Variants in PCDHA4 observed in about 807,000 individuals in gnomAD.
PCDHA4 encodes protocadherin alpha 4, also known as protocadherin alpha-4.
Under a neutral mutation model 61.4 loss-of-function variants are expected in PCDHA4, and 49 were observed. That is an observed-to-expected ratio of 0.80 (90% CI 0.63 to 1.01). The LOEUF (loss-of-function observed/expected upper bound fraction) is 1.01, where lower values mean the gene tolerates loss of function less well. PCDHA4 is among the 50% of genes least tolerant of loss of function. The pLI is 0.00. For missense variants in PCDHA4, 1,254 were observed against 1,235.8 expected (o/e 1.01, Z -0.22); for synonymous variants, 590 against 550.3 (o/e 1.07, Z -1.01).
intron 1 of PCDHA4, among the ~76,000 whole-genome samples, chr5:140,833,147 A>G (rs1412458710): frequency 2.6e-5 from 4 of 152,210 alleles, no homozygotes; most frequent in South Asian, 4.1e-4. Flanking sequence ...GTGTGAAGCA[A>G]TACGAATAAA....
At chr5:140,941,217 T>TCCTTTCTTTCTTTCTTTCTTTCTG (rs2092892388) in intron 1 of PCDHA4, among the ~76,000 whole-genome samples, 1 of 126,078 alleles carries the variant, frequency 7.9e-6, no homozygotes, top group Non-Finnish European at 1.7e-5. Context: ...CTTTCTTCCT[T>TCCTTTCTTTCTTTCTTTCTTTCTG]TCTTTCTTTC....
chr5:140,915,209 AG>A lies in PCDHA4; in HGVS notation c.2386-63739del, dbSNP rs2077027084. On this transcript the variant is annotated intron_variant, in intron 1 of 3. Coordinates refer to ENST00000530339, the MANE Select transcript of PCDHA4 (RefSeq NM_018907.4). ...TGATCCGCCCATCTTGGCCTCCCAAAGTGCTGGGATTACAGGCATGAGCCAC... is the reference window on the plus strand; with the variant it reads ...TGATCCGCCCATCTTGGCCTCCCAAATGCTGGGATTACAGGCATGAGCCAC... 2.6e-5 allele frequency among the ~76,000 whole-genome samples: 4 copies of A among 152,034 alleles called. No individual in the cohort carries two copies. The South Asian group carries it at 8.3e-4, about 32-fold the overall frequency.
intron 1 of PCDHA4, chr5:140,877,919 T>A: frequency 7.0e-7 from 1 of 1,423,998 alleles, no homozygotes; most frequent in South Asian, 1.6e-5. Flanking sequence ...CTCTCATTTT[T>A]CTTTATGATT....
At position 140,843,072 on chromosome 5, in the gene PCDHA4, C is replaced by G. The variant is rs2150351828; in HGVS notation, c.2385+33500C>G. 29 of 1,595,290 alleles carry G rather than the reference C, an allele frequency of 1.8e-5. 2 individuals carry two copies. Among genetic ancestry groups the G allele is most frequent in the Middle Eastern group, 1.7e-4 (1 of 5,908 alleles). On this transcript the variant is annotated intron_variant, in intron 1 of 3. Transcript: ENST00000530339. ...GCAGCGAGCAAGCTGGTGCCGCGGTCTGTGGGCGCGGGCCACGTGGTAGCG... is the reference window on the plus strand; with the variant it reads ...GCAGCGAGCAAGCTGGTGCCGCGGTGTGTGGGCGCGGGCCACGTGGTAGCG...
chr5:140,818,203 G>A (rs2150100519), intron 1 of PCDHA4, among the ~76,000 whole-genome samples: 7 of 152,104 alleles, frequency 4.6e-5, no homozygotes, highest in African/African-American at 4.8e-5. Flanking sequence ...GTACATGTAT[G>A]TTAAATCTTT....
intron 1 of PCDHA4, among the ~76,000 whole-genome samples, chr5:140,941,214 C>CTTCCTTTCTTT (rs1554214039): frequency 8.2e-6 from 1 of 122,414 alleles, no homozygotes; most frequent in Non-Finnish European, 1.7e-5. Context: ...TTTCTTTCTT[C>CTTCCTTTCTTT]CTTTCTTTCT....
In PCDHA4 at chr5:140,912,343, A is replaced by T. The variant is rs547543923; in HGVS notation, c.2386-66606A>T. Among the ~76,000 whole-genome samples, 324 of 143,902 alleles carry T rather than the reference A, an allele frequency of 2.3e-3. 1 individual carries two copies. The highest frequency in any genetic ancestry group is 7.8e-3 in the African/African-American group (308 of 39,358). 94.4% of individuals were successfully genotyped at this position (143,902 alleles called of 152,430 possible). A position where few individuals can be genotyped will look rare whatever the true frequency, so the allele number is the denominator to read the frequency against. On this transcript the variant is annotated intron_variant, in intron 1 of 3. Transcript: ENST00000530339. ...CTCAGTATTAACCAGTACACTAAGT[A>T]TTTTTTTTTTTTTTTGCAGCTGTTG... is the stretch of plus-strand genomic sequence containing the variant.
chr5:140,886,565 C>T (rs1298575680), intron 1 of PCDHA4, among the ~76,000 whole-genome samples: 1 of 152,100 alleles, frequency 6.6e-6, no homozygotes, highest in Admixed American at 6.5e-5. Flanking sequence ...CGGTGGCTCA[C>T]GCCTGTAATC....
At chr5:140,882,336 C>A (rs781805621) in intron 1 of PCDHA4, 31 of 1,614,044 alleles carry the variant, frequency 1.9e-5, no homozygotes, top group Non-Finnish European at 2.5e-5. Flanking sequence ...ATCCTCGCAG[C>A]CTGGGAGACG....
intron 1 of PCDHA4, among the ~76,000 whole-genome samples, chr5:140,844,717 G>A (rs1779511876): frequency 6.7e-6 from 1 of 149,352 alleles, no homozygotes. Context: ...TGGCCCATTA[G>A]TTCGTGTAAA....
chr5:140,871,702 T>C, intron 1 of PCDHA4: 1 of 877,954 alleles, frequency 1.1e-6, no homozygotes, highest in Non-Finnish European at 1.7e-6. Flanking sequence ...CTTTAACCAA[T>C]AAATGTCCTA....
At chr5:140,884,381 T>C in intron 1 of PCDHA4, 2 of 1,613,986 alleles carry the variant, frequency 1.2e-6, no homozygotes, top group Non-Finnish European at 1.7e-6. Flanking sequence ...CATTGCCATC[T>C]GCGCGGTGTC....
chr5:140,925,641 TATAATAATAATAATAATA>T (rs10569930), intron 1 of PCDHA4, among the ~76,000 whole-genome samples: 1 of 143,358 alleles, frequency 7.0e-6, no homozygotes, highest in African/African-American at 2.5e-5. Context: ...GAACTTAAAG[TATAATAATAATAATAATA>T]ATAATAATAA....
chr5:140,971,386 G>A (rs1413710321), intron 1 of PCDHA4, among the ~76,000 whole-genome samples: 1 of 152,140 alleles, frequency 6.6e-6, no homozygotes, highest in East Asian at 1.9e-4. Flanking sequence ...CTTTAATAAA[G>A]GCAAATTTCT....
rs1186272048 is a variant in PCDHA4, at chr5:140,851,988, ATTTG to A, written c.2385+42424_2385+42427del. ...CCACACTCTACCTTTAGTGCAAGCT[ATTTG>A]TTTGTTTTCTAATTTATAGTTTTAA... On this transcript the variant is annotated intron_variant, in intron 1 of 3. Coordinates refer to ENST00000530339, the MANE Select transcript of PCDHA4 (RefSeq NM_018907.4). The A allele has an allele frequency of 2.0e-6, 2 of 975,736 alleles. 1 individual carries two copies. Among genetic ancestry groups the A allele is most frequent in the African/African-American group, 3.5e-5 (2 of 56,556 alleles). 60.4% of individuals were successfully genotyped at this position (975,736 alleles called of 1,614,324 possible).
chr5:140,903,357 T>C (rs1554190932), intron 1 of PCDHA4, among the ~76,000 whole-genome samples: 1 of 152,166 alleles, frequency 6.6e-6, no homozygotes, highest in African/African-American at 2.4e-5. Flanking sequence ...AAACAAGTTT[T>C]TCAAAAATAT....
intron 1 of PCDHA4, chr5:140,843,204 C>A (rs199959178): frequency 6.3e-7 from 1 of 1,596,052 alleles, no homozygotes; most frequent in South Asian, 1.1e-5. Flanking sequence ...GGGCTGTACA[C>A]GGGCGAGATC....
intron 1 of PCDHA4, chr5:140,928,687 C>A (rs782599747): frequency 6.2e-7 from 1 of 1,614,142 alleles, no homozygotes. Context: ...GCTTTCCTAC[C>A]ACATCTCCCG....
chr5:140,980,949 A>G (rs1187381167), intron 2 of PCDHA4, among the ~76,000 whole-genome samples: 1 of 152,182 alleles, frequency 6.6e-6, no homozygotes, highest in East Asian at 1.9e-4. Context: ...TGGCTCCAGG[A>G]TAGTTACACC....
Sources: allele counts gnomAD v4.1 joint callset (sites outside exome capture counted in the v4.1 genomes callset), GRCh38; gene constraint gnomAD v4.1.1; transcripts MANE v1.5; gene names NCBI Gene and HGNC (gene_info 2026-07-23, HGNC 2026-07-21).